Variants in NEDD9 observed in about 807,000 individuals in gnomAD.
NEDD9 encodes the protein neural precursor cell expressed, developmentally down-regulated 9.
In NEDD9, 26 loss-of-function variants were observed where a neutral mutation model predicts 76.6. The observed-to-expected ratio is 0.34, with a 90% confidence interval of 0.25 to 0.47. NEDD9 has a LOEUF of 0.47. Among genes scored for constraint, NEDD9 ranks in the 20% least tolerant of loss-of-function variants. The pLI is 1.00. For missense variants in NEDD9, 937 were observed against 1,058.5 expected (o/e 0.89, Z 1.59); for synonymous variants, 392 against 414.2 (o/e 0.95, Z 0.65).
rs188638171 is a variant in NEDD9 at position 11,192,213 on chromosome 6, A to C, written c.663+132T>G. ...CTTCCTTTACTCTCACCAAGACTAC[A>C]TTTTCCCCTTTTGGGTTTGCCTTTC... On this transcript the variant is annotated intron_variant, in intron 4 of 6. Coordinates refer to ENST00000379446, the MANE Select transcript of NEDD9 (RefSeq NM_006403.4). 293 of 569,802 alleles carry C rather than the reference A, an allele frequency of 5.1e-4. 3 individuals are homozygous for C. The highest frequency in any genetic ancestry group is 1.4e-3 in the South Asian group (54 of 37,788). The allele number at this position is 569,802 out of a possible 1,614,324, so 35.3% of individuals were successfully genotyped here. A position where few individuals can be genotyped will look rare whatever the true frequency, so the allele number is the denominator to read the frequency against.
intron 1 of NEDD9, among the ~76,000 whole-genome samples, chr6:11,342,367 C>T (rs1340734550): frequency 6.6e-6 from 1 of 151,880 alleles, no homozygotes; most frequent in East Asian, 1.9e-4. Flanking sequence ...AAGGAAGCCC[C>T]ACCTAAGTAC....
rs1757904379 is a variant in NEDD9 at position 11,183,519 on chromosome 6, C to T, written c.*1643G>A. ...AGCGTTGTTGATTTTCAGCAACCCT[C>T]TTCCCACATGAACATTTCCTTGTAA... On this transcript the variant is annotated 3_prime_UTR_variant, in exon 7 of 7. Transcript: ENST00000379446. 1 of 152,230 alleles carries T rather than the reference C, an allele frequency of 6.6e-6. No homozygotes were observed. Among genetic ancestry groups the T allele is most frequent in the African/African-American group, 2.4e-5 (1 of 41,466 alleles). 9.4% of individuals were successfully genotyped at this position (152,230 alleles called of 1,614,324 possible).
intron 4 of NEDD9, 111 bp from the exon 5 acceptor site, chr6:11,191,316 C>T (rs1213480639): frequency 8.6e-7 from 1 of 1,160,492 alleles, no homozygotes; most frequent in Non-Finnish European, 1.2e-6. Context: ...CCCTCCCCCG[C>T]CCCAATGTTA....
At chr6:11,236,665 C>T (rs1473905360), upstream of NEDD9, among the ~76,000 whole-genome samples, 2 of 152,196 alleles carry the variant, frequency 1.3e-5, no homozygotes, top group African/African-American at 4.8e-5. The surrounding 1 kb of genome is among the most constrained non-coding windows in gnomAD (Gnocchi z 5.5). Context: ...GTGGTGAGGT[C>T]AGGCCCCTGA....
At chr6:11,211,637 C>G (rs1262650059) in intron 2 of NEDD9, among the ~76,000 whole-genome samples, 2 of 152,130 alleles carry the variant, frequency 1.3e-5, no homozygotes, top group African/African-American at 4.8e-5. Context: ...ATTCCTAGGA[C>G]AAGGAAGACT....
intron 2 of NEDD9, among the ~76,000 whole-genome samples, chr6:11,333,594 C>A (rs1383468070): frequency 6.6e-6 from 1 of 152,198 alleles, no homozygotes; most frequent in Non-Finnish European, 1.5e-5. Flanking sequence ...GTGCAGAGAC[C>A]ACAGCCAGGG....
intron 3 of NEDD9, among the ~76,000 whole-genome samples, chr6:11,262,883 A>G (rs1760140855): frequency 6.6e-6 from 1 of 152,256 alleles, no homozygotes; most frequent in South Asian, 2.1e-4. Flanking sequence ...CATACATTAA[A>G]GTGTAAATTC....
At chr6:11,314,059 T>C (rs949826677) in intron 2 of NEDD9, among the ~76,000 whole-genome samples, 1 of 152,196 alleles carries the variant, frequency 6.6e-6, no homozygotes, top group Non-Finnish European at 1.5e-5. Flanking sequence ...CTAACACAAT[T>C]CAATTTGTAA....
At chr6:11,283,631 A>G (rs1436374960) in intron 3 of NEDD9, among the ~76,000 whole-genome samples, 1 of 152,202 alleles carries the variant, frequency 6.6e-6, no homozygotes, top group Non-Finnish European at 1.5e-5. Flanking sequence ...AAGAGAGGAA[A>G]GATTTGGGAT....
intron 5 of NEDD9, among the ~76,000 whole-genome samples, chr6:11,189,213 G>A (rs1303834495): frequency 1.3e-5 from 2 of 152,154 alleles, no homozygotes; most frequent in African/African-American, 4.8e-5. Flanking sequence ...CCAAAGTGCT[G>A]GGATTACAGG....
At chr6:11,281,559 G>T (rs1395932124) in intron 3 of NEDD9, among the ~76,000 whole-genome samples, 1 of 152,006 alleles carries the variant, frequency 6.6e-6, no homozygotes, top group East Asian at 1.9e-4. Context: ...TCCCTGTGTT[G>T]CCCAGGCTGG....
At chr6:11,205,817 G>A (rs570819605) in intron 2 of NEDD9, among the ~76,000 whole-genome samples, 25 of 152,154 alleles carry the variant, frequency 1.6e-4, no homozygotes, top group Admixed American at 1.0e-3. Context: ...TAGTGGAGAC[G>A]GGGTTTCATG....
intron 3 of NEDD9, among the ~76,000 whole-genome samples, chr6:11,242,016 A>T (rs1018949944): frequency 2.0e-5 from 3 of 152,262 alleles, no homozygotes; most frequent in African/African-American, 7.2e-5. Context: ...TAGAAAGCAA[A>T]CAAAGTGCTC....
At chr6:11,327,378 CA>C (rs1761949117) in intron 2 of NEDD9, among the ~76,000 whole-genome samples, 2 of 152,208 alleles carry the variant, frequency 1.3e-5, no homozygotes, top group South Asian at 2.1e-4. Context: ...CCAGTTATTG[CA>C]CCGCGTTCAT....
At chr6:11,216,468 T>C (rs978943879) in intron 1 of NEDD9, among the ~76,000 whole-genome samples, 7 of 152,204 alleles carry the variant, frequency 4.6e-5, no homozygotes. Context: ...GACCACACTA[T>C]TGGCAGCGAT....
chr6:11,374,615 C>T (rs763155638), intron 1 of NEDD9, among the ~76,000 whole-genome samples: 1 of 152,128 alleles, frequency 6.6e-6, no homozygotes, highest in African/African-American at 2.4e-5. Flanking sequence ...GCTGCATAGT[C>T]GCATATGCTA....
At chr6:11,374,260 C>G (rs534949775) in intron 1 of NEDD9, among the ~76,000 whole-genome samples, 1 of 152,288 alleles carries the variant, frequency 6.6e-6, no homozygotes, top group East Asian at 1.9e-4. Context: ...CTGAAGTACA[C>G]TCTTGACTTT....
At chr6:11,291,247 C>T (rs550524578) in intron 3 of NEDD9, among the ~76,000 whole-genome samples, 1 of 147,162 alleles carries the variant, frequency 6.8e-6, no homozygotes, top group African/African-American at 2.6e-5. Flanking sequence ...TGGCAGAGCA[C>T]AGGGCAGAAA....
chr6:11,371,787 G>T (rs1420555924), intron 1 of NEDD9, among the ~76,000 whole-genome samples: 1 of 152,050 alleles, frequency 6.6e-6, no homozygotes, highest in African/African-American at 2.4e-5. Flanking sequence ...TGGATTATTA[G>T]CCCTAGCCTG....
Sources: gnomAD v4.1 joint callset for allele counts (sites outside exome capture counted in the v4.1 genomes callset) on GRCh38, gnomAD v4.1.1 for gene constraint, Gnocchi (gnomAD v3.1) non-coding constraint, MANE v1.5 for transcripts, NCBI Gene and HGNC (gene_info 2026-07-23, HGNC 2026-07-21) for gene names.